Variants in ZNF469 observed in about 807,000 individuals in gnomAD.
ZNF469 encodes zinc finger protein 469.
In ZNF469, 1 loss-of-function variant was observed where a neutral mutation model predicts 1.0. That is an observed-to-expected ratio of 1.00 (90% confidence interval 0.35 to 4.73). The LOEUF is 4.73. Ranked by LOEUF, ZNF469 falls within the 30% of genes most tolerant of loss-of-function variation. The probability of loss-of-function intolerance (pLI) is 0.16; values close to 1 mark genes in which losing one functional copy is unlikely to be tolerated. For synonymous variants in ZNF469, 2,703 were observed against 2,363.4 expected, an observed-to-expected ratio of 1.14 and a Z score of -4.17; for missense variants, 6,100 against 5,356.3, an observed-to-expected ratio of 1.14 and a Z score of -4.33.
At position 88,440,169 on chromosome 16, in the gene ZNF469, A is replaced by C. The variant is rs1477508592; in HGVS notation, c.*837A>C. On this transcript the variant is annotated 3_prime_UTR_variant, in exon 3 of 3. Transcript: ENST00000565624. ...GTTTCTGGTGCTATTTTTGTGTTGT[A>C]ATGTGAATACAGGCTTCCTTGATTT... The C allele has an allele frequency of 1.3e-5, 2 of 150,634 alleles. No homozygotes were observed. The highest frequency in any genetic ancestry group is 2.1e-4 in the South Asian group (1 of 4,670). The allele number at this position is 150,634 out of a possible 1,614,324, so 9.3% of individuals were successfully genotyped here. A position where few individuals can be genotyped will look rare whatever the true frequency, so the allele number is the denominator to read the frequency against.
At chr16:88,239,808 C>G in the ZNF469 span, among the ~76,000 whole-genome samples, 3 of 147,946 alleles carry the variant, frequency 2.0e-5, no homozygotes, top group Non-Finnish European at 3.0e-5. Context: ...GATCTGCCTG[C>G]CTTGGCCTCC....
chr16:88,211,633 G>A, the ZNF469 span, among the ~76,000 whole-genome samples: 1 of 152,178 alleles, frequency 6.6e-6, no homozygotes, highest in African/African-American at 2.4e-5. Context: ...GAGCAGATAT[G>A]TGCATACTTC....
the ZNF469 span, among the ~76,000 whole-genome samples, chr16:88,227,042 C>T: frequency 6.9e-6 from 1 of 145,050 alleles, no homozygotes; most frequent in Non-Finnish European, 1.5e-5. Flanking sequence ...CCACCCGTGC[C>T]TCCTCCGCGC....
chr16:88,357,918 T>C, the ZNF469 span, among the ~76,000 whole-genome samples: 1 of 152,216 alleles, frequency 6.6e-6, no homozygotes, highest in Non-Finnish European at 1.5e-5. Context: ...GAAGCGCCTC[T>C]TCTGCAGGCG....
the ZNF469 span, among the ~76,000 whole-genome samples, chr16:88,104,744 CCTT>C: frequency 6.6e-6 from 1 of 152,254 alleles, no homozygotes; most frequent in Non-Finnish European, 1.5e-5. Context: ...ACGCTCCTAT[CCTT>C]CTGTGATCCC....
chr16:88,204,133 C>CCCCG, the ZNF469 span, among the ~76,000 whole-genome samples: 7 of 149,792 alleles, frequency 4.7e-5, no homozygotes, highest in Non-Finnish European at 5.9e-5. Flanking sequence ...GCCGGAGGCG[C>CCCCG]TCCGTAACCC....
intron 1 of ZNF469, among the ~76,000 whole-genome samples, chr16:88,397,117 G>A (rs534007209): frequency 3.7e-4 from 56 of 152,190 alleles, no homozygotes; most frequent in African/African-American, 1.3e-3. Flanking sequence ...AGGCAAAGAC[G>A]CTCCTGCAGG....
the ZNF469 span, among the ~76,000 whole-genome samples, chr16:88,344,139 G>A: frequency 1.3e-5 from 2 of 152,056 alleles, no homozygotes; most frequent in East Asian, 3.9e-4. Context: ...CAACGGTCAA[G>A]GTCATCAAAA....
At chr16:88,223,202 T>G in the ZNF469 span, among the ~76,000 whole-genome samples, 10 of 152,162 alleles carry the variant, frequency 6.6e-5, no homozygotes, top group Non-Finnish European at 8.8e-5. Context: ...AGGGACCCAG[T>G]GGGAGAAAAC....
the ZNF469 span, among the ~76,000 whole-genome samples, chr16:88,134,041 C>T: frequency 1.3e-5 from 2 of 152,152 alleles, no homozygotes; most frequent in African/African-American, 2.4e-5. Context: ...GAGGCTGCTG[C>T]GAGCTGAGAT....
In ZNF469 at chr16:88,428,994, G is replaced by A. The variant is rs1309059728; in HGVS notation, c.1524G>A (p.Ala508=). The A allele has an allele frequency of 1.2e-5, 18 of 1,542,834 alleles. No individual in the cohort carries two copies. Among genetic ancestry groups the A allele is most frequent in the Middle Eastern group, 1.7e-4 (1 of 5,992 alleles). ...MEMLSRLPFP[A]GGPEWQGGSQ... Reference sequence around the variant, plus strand: ...TGCTGAGCCGGCTGCCTTTCCCCGCGGGGGGCCCCGAGTGGCAGGGGGGCA... The same window carrying A: ...TGCTGAGCCGGCTGCCTTTCCCCGCAGGGGGCCCCGAGTGGCAGGGGGGCA... The change falls in exon 3 of 3, where the codon GCG becomes GCA. Residue 508 remains alanine (A), a synonymous_variant. Transcript: ENST00000565624.
chr16:88,134,532 G>A, the ZNF469 span, among the ~76,000 whole-genome samples: 1 of 152,232 alleles, frequency 6.6e-6, no homozygotes, highest in African/African-American at 2.4e-5. Flanking sequence ...CTTTGCATAT[G>A]TATCTATTAG....
At chr16:88,425,833 G>A (rs1305306992) in intron 2 of ZNF469, among the ~76,000 whole-genome samples, 1 of 151,984 alleles carries the variant, frequency 6.6e-6, no homozygotes, top group African/African-American at 2.4e-5. Flanking sequence ...GAGGAGGAAG[G>A]GGCACCCGGG....
the ZNF469 span, among the ~76,000 whole-genome samples, chr16:88,265,845 C>T: frequency 6.6e-3 from 1,006 of 152,350 alleles, 7 homozygotes; most frequent in African/African-American, 0.023. Flanking sequence ...CCTTGGCTGC[C>T]TCCAGGCTCA....
chr16:88,203,166 C>T, the ZNF469 span, among the ~76,000 whole-genome samples: 6 of 152,116 alleles, frequency 3.9e-5, no homozygotes, highest in African/African-American at 1.2e-4. Flanking sequence ...AGGGCGAGTC[C>T]GGAGCATCCT....
chr16:88,168,783 G>C, the ZNF469 span, among the ~76,000 whole-genome samples: 9 of 152,194 alleles, frequency 5.9e-5, no homozygotes, highest in Non-Finnish European at 1.0e-4. The surrounding 1 kb of genome is among the most constrained non-coding windows in gnomAD (Gnocchi z 4.3). Context: ...ACTGGGAGCT[G>C]ACAGCTAAGT....
the ZNF469 span, among the ~76,000 whole-genome samples, chr16:88,200,555 C>T: frequency 4.6e-5 from 7 of 152,250 alleles, no homozygotes; most frequent in South Asian, 2.1e-4. Flanking sequence ...CCAGAGAAGG[C>T]GCCACGCCAT....
chr16:88,105,683 G>A, the ZNF469 span, among the ~76,000 whole-genome samples: 1 of 152,190 alleles, frequency 6.6e-6, no homozygotes, highest in Admixed American at 6.5e-5. Flanking sequence ...AAGCATAATT[G>A]GGAACGGATG....
chr16:88,316,235 G>A, the ZNF469 span, among the ~76,000 whole-genome samples: 1 of 152,240 alleles, frequency 6.6e-6, no homozygotes, highest in South Asian at 2.1e-4. Flanking sequence ...GCTGGGTCCA[G>A]GAATCTGGAC....
Sources: allele counts gnomAD v4.1 joint callset (sites outside exome capture counted in the v4.1 genomes callset), GRCh38; gene constraint gnomAD v4.1.1; non-coding constraint Gnocchi (gnomAD v3.1); transcripts MANE v1.5; gene names NCBI Gene and HGNC (gene_info 2026-07-23, HGNC 2026-07-21).